Variants in FCSK observed in about 807,000 individuals in gnomAD.
FCSK encodes the protein fucose kinase, also known as L-fucose kinase.
In FCSK, 123 loss-of-function variants were observed where a neutral mutation model predicts 122.5. The ratio of observed to expected loss-of-function variants is 1.00; its 90% CI spans 0.87 to 1.17. FCSK has a LOEUF of 1.17. Ranked by LOEUF, FCSK falls within the 50% of genes most tolerant of loss-of-function variation. The probability of loss-of-function intolerance (pLI) is 0.00; values close to 1 mark genes in which losing one functional copy is unlikely to be tolerated. For synonymous variants in FCSK, 620 were observed against 625.5 expected (o/e 0.99, Z 0.13); for missense variants, 1,366 against 1,450.4 (o/e 0.94, Z 0.95).
Position 70,479,649 on chromosome 16 carries a change from C to T in FCSK, c.3224C>T (p.Thr1075Ile). ...GGCCTGAGCCTGAAGCTGCTGGGGACCGAGGCCTCAACCTGTTGCCCTTTC... is the reference window on the plus strand; with the variant it reads ...GGCCTGAGCCTGAAGCTGCTGGGGATCGAGGCCTCAACCTGTTGCCCTTTC... The part of the protein sequence containing the change: ...TQGLSLKLLG[T>I]EASTCCPFP The change falls in exon 24 of 24, where the codon ACC becomes ATC. Residue 1075 changes from threonine (T) to isoleucine (I), a missense_variant. Physicochemically the swap from Thr to Ile is moderately conservative, Grantham distance 89. Coordinates refer to ENST00000288078, the MANE Select transcript of FCSK (RefSeq NM_145059.3). 1 of 1,614,066 alleles carries T rather than the reference C, an allele frequency of 6.2e-7. No individual in the cohort carries two copies. The highest frequency in any genetic ancestry group is 8.5e-7 in the Non-Finnish European group (1 of 1,179,968).
intron 1 of FCSK, among the ~76,000 whole-genome samples, chr16:70,458,759 A>T (rs927011263): frequency 6.6e-6 from 1 of 152,104 alleles, no homozygotes; most frequent in Non-Finnish European, 1.5e-5. Flanking sequence ...CCTAGTGGCT[A>T]TTATTACTAA....
rs761293527 is a variant in FCSK, at chr16:70,475,780, C to CA, written c.2641+13_2641+14insA. ...GTGCTCACCACTGGTATGTGACTGC[C>CA]CTGGAGTTGGAGGAGGTCACTGACA... On this transcript the variant is annotated intron_variant, in intron 20 of 23. Transcript: ENST00000288078. 350 of 1,551,462 alleles carry CA rather than the reference C, an allele frequency of 2.3e-4. No homozygotes were observed. The highest frequency in any genetic ancestry group is 2.0e-4 in the Non-Finnish European group (231 of 1,147,568).
At chr16:70,455,604 A>G (rs1418377731) in intron 1 of FCSK, among the ~76,000 whole-genome samples, 3 of 151,862 alleles carry the variant, frequency 2.0e-5, no homozygotes, top group Admixed American at 1.3e-4. Flanking sequence ...TTAAAAAAAA[A>G]AAAAAGGCCG....
chr16:70,471,345 G>A lies in FCSK; in HGVS notation c.1334G>A (p.Ser445Asn), dbSNP rs753975535. Reference protein sequence around the residue: ...HAFTLVGRLDSWERQGAGTYL... With the variant: ...HAFTLVGRLDNWERQGAGTYL... ...TTCACCCTCGTTGGCCGTCTGGACA[G>A]CTGGGAGGTAGGCAGTCACCCTGCA... The change falls in exon 13 of 24, where the codon AGC becomes AAC. Residue 445 changes from serine to asparagine, a missense_variant. Ser to Asn is a conservative substitution (Grantham distance 46). Transcript: ENST00000288078. 1.8e-5 allele frequency: 28 copies of A among 1,580,514 alleles called. No individual in the cohort carries two copies. The East Asian group carries it at 5.9e-4, about 34-fold the overall frequency.
At chr16:70,459,253 TAA>T (rs1000987734) in intron 1 of FCSK, among the ~76,000 whole-genome samples, 23 of 144,854 alleles carry the variant, frequency 1.6e-4, no homozygotes, top group Middle Eastern at 3.6e-3. Flanking sequence ...AAAAAGACAA[TAA>T]AAAAAGAGGC....
At chr16:70,479,539 A>G (rs2151734696) in intron 23 of FCSK, 40 bp from the exon 24 acceptor site, 1 of 1,585,566 alleles carries the variant, frequency 6.3e-7, no homozygotes, top group South Asian at 1.1e-5. Flanking sequence ...AAGGCCTGAG[A>G]TTTGTCCAGA....
intron 1 of FCSK, among the ~76,000 whole-genome samples, chr16:70,460,137 C>G (rs1279394447): frequency 1.5e-5 from 2 of 135,902 alleles, no homozygotes; most frequent in Non-Finnish European, 3.1e-5. Context: ...GACGGTGTCT[C>G]GCTCTGTCGC....
intron 1 of FCSK, among the ~76,000 whole-genome samples, chr16:70,456,216 C>T (rs2048091441): frequency 1.3e-5 from 2 of 152,206 alleles, no homozygotes; most frequent in African/African-American, 4.8e-5. Flanking sequence ...CCTGCCTGTG[C>T]TATTAAAGCA....
rs377727682 is a variant in FCSK, at chr16:70,463,767, G to T, written c.227G>T (p.Gly76Val). 3.7e-6 allele frequency: 6 copies of T among 1,608,632 alleles called. No homozygotes were observed. The African/African-American group carries it at 8.0e-5, about 22-fold the overall frequency. Reference sequence around the variant, plus strand: ...GCTGAACACCTGAGTGCCCGGGCAGGCTTCACTGTGAGTGCTCACCAGGGC... The same window carrying T: ...GCTGAACACCTGAGTGCCCGGGCAGTCTTCACTGTGAGTGCTCACCAGGGC... ...VAAEHLSARA[G>V]FTVVTSDVLH... The change falls in exon 3 of 24, where the codon GGC becomes GTC. Residue 76 changes from glycine to valine, a missense_variant. Coordinates refer to ENST00000288078, the MANE Select transcript of FCSK (RefSeq NM_145059.3).
At chr16:70,465,911 C>T (rs528903976) in intron 4 of FCSK, among the ~76,000 whole-genome samples, 1 of 152,278 alleles carries the variant, frequency 6.6e-6, no homozygotes, top group East Asian at 1.9e-4. Context: ...CAAGATCGCA[C>T]TACTGCACTA....
At chr16:70,458,871 A>G (rs1321583110) in intron 1 of FCSK, among the ~76,000 whole-genome samples, 3 of 152,184 alleles carry the variant, frequency 2.0e-5, no homozygotes, top group Non-Finnish European at 4.4e-5. Context: ...CTTCAGCTCT[A>G]CAAAGTAGGT....
intron 5 of FCSK, 125 bp from the exon 6 acceptor site, chr16:70,466,756 TG>T: frequency 1.4e-6 from 1 of 733,452 alleles, no homozygotes; most frequent in Non-Finnish European, 2.3e-6. Context: ...GGTCAGAGAG[TG>T]GGTGGGGGCA....
intron 1 of FCSK, among the ~76,000 whole-genome samples, chr16:70,457,282 A>T (rs1450843039): frequency 6.6e-6 from 1 of 151,824 alleles, no homozygotes; most frequent in Non-Finnish European, 1.5e-5. Context: ...CTTGAGACAG[A>T]GTCGCTCTGT....
rs931262063 is a variant in FCSK, at chr16:70,473,331, C to A, written c.1755C>A (p.Pro585=). Reference sequence around the variant, plus strand: ...CTGTCCGCGAGGGCTGCCCCGGGCCCCTGCTGGCCACGCTGGACCAGGGTG... The same window carrying A: ...CTGTCCGCGAGGGCTGCCCCGGGCCACTGCTGGCCACGCTGGACCAGGGTG... ...WAAVREGCPG[P]LLATLDQVAA... Residue 585 remains proline, a synonymous_variant, in exon 15 of 24, where the codon CCC becomes CCA. Transcript: ENST00000288078. The surrounding 1 kb of genome is among the most constrained non-coding windows in gnomAD (Gnocchi z 4.9). 1 of 1,510,072 alleles carries A rather than the reference C, an allele frequency of 6.6e-7. No individual in the cohort carries two copies. Among genetic ancestry groups the A allele is most frequent in the Non-Finnish European group, 8.9e-7 (1 of 1,125,782 alleles). 93.5% of individuals were successfully genotyped at this position (1,510,072 alleles called of 1,614,324 possible).
chr16:70,467,712 G>C, intron 7 of FCSK, 174 bp from the exon 8 acceptor site: 1 of 653,524 alleles, frequency 1.5e-6, no homozygotes, highest in South Asian at 1.8e-5. Context: ...TTTAAAGCCT[G>C]CCCTCTGCCA....
rs1209444584 is a variant in FCSK at position 70,467,441 on chromosome 16, G to A, written c.552G>A (p.Gln184=). The change falls in exon 7 of 24, where the codon CAG becomes CAA. Residue 184 remains glutamine (Q), a synonymous_variant. Coordinates refer to ENST00000288078, the MANE Select transcript of FCSK (RefSeq NM_145059.3). ...TCCCAGGGAGCCCGGCCTACGCTCA[G>A]AATCATGGCGTCTACCTAACTGACC... ...IALPGSPAYA[Q]NHGVYLTDPQ... 1 of 1,608,706 alleles carries A rather than the reference G, an allele frequency of 6.2e-7. No homozygotes were observed. The highest frequency in any genetic ancestry group is 1.1e-5 in the South Asian group (1 of 89,950).
Position 70,473,013 on chromosome 16 carries a change from G to T in FCSK, c.1437G>T (p.Leu479=). ...RAWDLWDPET[L]PAEYCLPSAR... ...GGGACCTGTGGGACCCTGAGACGCT[G>T]CCCGCAGAGTACTGCCTTCCCAGCG... Residue 479 remains leucine (L), a synonymous_variant, in exon 15 of 24, where the codon CTG becomes CTT. Coordinates refer to ENST00000288078, the MANE Select transcript of FCSK (RefSeq NM_145059.3). This position sits in a 1 kb window ranked among gnomAD's most constrained non-coding sequence, Gnocchi z 4.9. 5.0e-6 allele frequency: 8 copies of T among 1,599,470 alleles called. No individual in the cohort carries two copies. Among genetic ancestry groups the T allele is most frequent in the Non-Finnish European group, 6.8e-6 (8 of 1,173,636 alleles).
intron 6 of FCSK, 149 bp downstream of exon 6, chr16:70,467,103 AGGCAG>A (rs1234962415): frequency 1.3e-6 from 1 of 769,886 alleles, no homozygotes; most frequent in Non-Finnish European, 2.2e-6. Context: ...AGCCTGGTGG[AGGCAG>A]GGCTTCTCCT....
chr16:70,473,303 C>T lies in FCSK; in HGVS notation c.1727C>T (p.Ala576Val). The T allele has an allele frequency of 6.6e-7, 1 of 1,523,842 alleles. No homozygotes were observed. The highest frequency in any genetic ancestry group is 8.8e-7 in the Non-Finnish European group (1 of 1,135,040). 94.4% of individuals were successfully genotyped at this position (1,523,842 alleles called of 1,614,324 possible). A position where few individuals can be genotyped will look rare whatever the true frequency, so the allele number is the denominator to read the frequency against. Residue 576 changes from alanine to valine, a missense_variant, in exon 15 of 24, where the codon GCT becomes GTT. Coordinates refer to ENST00000288078, the MANE Select transcript of FCSK (RefSeq NM_145059.3). The surrounding 1 kb of genome is among the most constrained non-coding windows in gnomAD (Gnocchi z 4.9). ...QDLSLRPLIW[A>V]AVREGCPGPL... ...CTCAGCCTGCGCCCGCTGATCTGGG[C>T]TGCTGTCCGCGAGGGCTGCCCCGGG...
Sources: gnomAD v4.1 joint callset for allele counts (sites outside exome capture counted in the v4.1 genomes callset) on GRCh38, gnomAD v4.1.1 for gene constraint, Gnocchi (gnomAD v3.1) non-coding constraint, MANE v1.5 for transcripts, NCBI Gene and HGNC (gene_info 2026-07-23, HGNC 2026-07-21) for gene names.